The following GGA2 variants were observed in gnomAD, a reference collection of about 807,000 sequenced individuals.
GGA2 encodes ADP-ribosylation factor-binding protein GGA2.
GGA2 carries 48 observed loss-of-function variants against 79.5 expected under a neutral mutation model. That is an observed-to-expected ratio of 0.60 (90% confidence interval 0.48 to 0.77). GGA2 has a LOEUF of 0.77. Ranked by LOEUF, GGA2 falls within the 30% of genes least tolerant of loss-of-function variation. The pLI is 0.00. For missense variants in GGA2, 770 were observed against 774.0 expected (o/e 0.99, Z 0.06); for synonymous variants, 317 against 302.0 (o/e 1.05, Z -0.51).
chr16:23,475,114 G>A, intron 13 of GGA2, 53 bp from the exon 14 acceptor site: 2 of 1,172,704 alleles, frequency 1.7e-6, no homozygotes, highest in Non-Finnish European at 2.4e-6. Flanking sequence ...GCGATTTCCT[G>A]GAATCTGGGT....
At chr16:23,513,283 A>AAT (rs397722713), upstream of GGA2, among the ~76,000 whole-genome samples, 1 of 151,228 alleles carries the variant, frequency 6.6e-6, no homozygotes, top group Non-Finnish European at 1.5e-5. Context: ...TTGAACTCAA[A>AAT]GACAGTGGAA....
At chr16:23,524,356 C>T (rs200936622), upstream of GGA2, 9 of 1,610,932 alleles carry the variant, frequency 5.6e-6, no homozygotes, top group East Asian at 8.9e-5. Context: ...CTCCACTGCC[C>T]GAAACATCCT....
Position 23,474,991 on chromosome 16 carries a change from A to T in GGA2, c.1363T>A (p.Trp455Arg). The T allele has an allele frequency of 6.2e-7, 1 of 1,611,176 alleles. No homozygotes were observed. The highest frequency in any genetic ancestry group is 8.5e-7 in the Non-Finnish European group (1 of 1,177,346). The change falls in exon 14 of 17, where the codon TGG becomes AGG. Residue 455 changes from tryptophan to arginine, a missense_variant. By Grantham distance (101) the Trp-to-Arg change is moderately radical. Coordinates refer to ENST00000309859, the MANE Select transcript of GGA2 (RefSeq NM_015044.4). ...GAAGGAGCCAACGGGCCAGCCTCCC[A>T]GGACCAACCTGGAGAGGACTTAGTA... ...PGTKSSPGWS[W>R]EAGPLAPSPS...
chr16:23,478,125 G>A (rs1290258343), intron 13 of GGA2, among the ~76,000 whole-genome samples: 1 of 151,080 alleles, frequency 6.6e-6, no homozygotes, highest in Non-Finnish European at 1.5e-5. Flanking sequence ...CTTGAACTCA[G>A]GAGGTAAAGG....
Position 23,510,302 on chromosome 16 carries a change from G to A in GGA2, c.91+19C>T, listed in dbSNP as rs1353176902. 1.6e-5 allele frequency: 22 copies of A among 1,408,282 alleles called. No homozygotes were observed. The highest frequency in any genetic ancestry group is 2.0e-5 in the Non-Finnish European group (21 of 1,071,946). The allele number at this position is 1,408,282 out of a possible 1,614,324, so 87.2% of individuals were successfully genotyped here. ...CGTGCGGCGCAGCGGCTGCGCCGAA[G>A]GCCTGCCAGGCTACTCACTGAGCCA... On this transcript the variant is annotated intron_variant, in intron 1 of 16. Coordinates refer to ENST00000309859, the MANE Select transcript of GGA2 (RefSeq NM_015044.4).
intron 13 of GGA2, among the ~76,000 whole-genome samples, chr16:23,476,058 C>T (rs1488379388): frequency 6.6e-6 from 1 of 152,184 alleles, no homozygotes; most frequent in Non-Finnish European, 1.5e-5. Flanking sequence ...CAATAAGTAG[C>T]TCAGTCAGGT....
rs1415692828 is a variant in GGA2, at chr16:23,510,452, C to A, written c.-41G>T. On this transcript the variant is annotated 5_prime_UTR_variant, in exon 1 of 17. Coordinates refer to ENST00000309859, the MANE Select transcript of GGA2 (RefSeq NM_015044.4). ...GCTGCGGCCGCGGGCGCCACTGCCTCTTCAGCCGCTGTAGCGTCCTGGCGC... is the reference window on the plus strand; with the variant it reads ...GCTGCGGCCGCGGGCGCCACTGCCTATTCAGCCGCTGTAGCGTCCTGGCGC... The A allele has an allele frequency of 8.9e-6, 7 of 786,174 alleles. No individual in the cohort carries two copies. The South Asian group carries it at 1.7e-4, about 19-fold the overall frequency. 48.7% of individuals were successfully genotyped at this position (786,174 alleles called of 1,614,324 possible).
chr16:23,475,121 G>T (rs1180075900), intron 13 of GGA2, 60 bp from the exon 14 acceptor site: 2 of 1,077,842 alleles, frequency 1.9e-6, no homozygotes, highest in Non-Finnish European at 1.4e-6. Context: ...CCTGGAATCT[G>T]GGTTAGGCTT....
rs1389541261 is a variant in GGA2 at position 23,491,579 on chromosome 16, G to A, written c.475+98C>T. ...CCTCAGTGTCTATGGTCCTACATAA[G>A]AAGTACAGCTTTCAACAAAAAATTA... On this transcript the variant is annotated intron_variant, in intron 5 of 16. Transcript: ENST00000309859. 6 of 902,880 alleles carry A rather than the reference G, an allele frequency of 6.6e-6. 1 individual carries two copies. Among genetic ancestry groups the A allele is most frequent in the South Asian group, 4.8e-5 (3 of 62,074 alleles). The allele number at this position is 902,880 out of a possible 1,614,324, so 55.9% of individuals were successfully genotyped here. A position where few individuals can be genotyped will look rare whatever the true frequency, so the allele number is the denominator to read the frequency against.
At position 23,465,934 on chromosome 16, in the gene GGA2, T is replaced by G. The variant is rs1202907209; in HGVS notation, c.*1656A>C. 2 of 152,622 alleles carry G rather than the reference T, an allele frequency of 1.3e-5. No individual in the cohort carries two copies. Among genetic ancestry groups the G allele is most frequent in the Admixed American group, 1.3e-4 (2 of 15,366 alleles). The allele number at this position is 152,622 out of a possible 1,614,324, so 9.5% of individuals were successfully genotyped here. ...CCAGCCTGAGTGACAGAGTGAGATA[T>G]GGCCTCAAAAAACAAAAAAAAGCCA... On this transcript the variant is annotated 3_prime_UTR_variant, in exon 17 of 17. Coordinates refer to ENST00000309859, the MANE Select transcript of GGA2 (RefSeq NM_015044.4).
intron 1 of GGA2, among the ~76,000 whole-genome samples, chr16:23,497,926 G>A (rs2142137018): frequency 6.6e-6 from 1 of 152,316 alleles, no homozygotes; most frequent in East Asian, 1.9e-4. Flanking sequence ...TTGAGCCTAG[G>A]AGGTTGAGAC....
chr16:23,470,086 C>A lies in GGA2; in HGVS notation c.1530G>T (p.Gly510=). The part of the protein sequence containing the change: ...LLHFSQTGAP[G]HPEVQVLLLT... ...AGAGCAGCACCTGTACCTCTGGGTGCCCAGGGGCTCCCGTCTGGGAGAAGT... is the reference window on the plus strand; with the variant it reads ...AGAGCAGCACCTGTACCTCTGGGTGACCAGGGGCTCCCGTCTGGGAGAAGT... The change falls in exon 15 of 17, where the codon GGG becomes GGT. Residue 510 remains glycine, a synonymous_variant. Coordinates refer to ENST00000309859, the MANE Select transcript of GGA2 (RefSeq NM_015044.4). The A allele has an allele frequency of 6.2e-7, 1 of 1,609,964 alleles. No individual in the cohort carries two copies. Among genetic ancestry groups the A allele is most frequent in the Non-Finnish European group, 8.5e-7 (1 of 1,178,150 alleles).
intron 1 of GGA2, among the ~76,000 whole-genome samples, chr16:23,498,674 G>C (rs1432716271): frequency 6.6e-6 from 1 of 152,200 alleles, no homozygotes; most frequent in Non-Finnish European, 1.5e-5. Context: ...CATGCAGTAA[G>C]AGGTCTACAA....
intron 1 of GGA2, among the ~76,000 whole-genome samples, chr16:23,502,813 G>A (rs1002974984): frequency 9.9e-5 from 15 of 152,200 alleles, no homozygotes; most frequent in African/African-American, 3.6e-4. Flanking sequence ...GAATTTTCTG[G>A]CTTCCAAAAT....
chr16:23,496,904 G>C (rs1413459548), intron 1 of GGA2, among the ~76,000 whole-genome samples: 2 of 150,786 alleles, frequency 1.3e-5, no homozygotes, highest in East Asian at 3.9e-4. Flanking sequence ...GTTGCAGTGA[G>C]CTGAGATGGC....
At chr16:23,522,001 A>T (rs964813018), upstream of GGA2, 1 of 353,608 alleles carries the variant, frequency 2.8e-6, no homozygotes, top group Non-Finnish European at 5.6e-6. Context: ...GAAAAAAAAA[A>T]TACTGCTTCT....
chr16:23,487,322 T>A (rs913932007), intron 6 of GGA2, among the ~76,000 whole-genome samples: 2 of 152,088 alleles, frequency 1.3e-5, no homozygotes, highest in African/African-American at 4.8e-5. Context: ...GGGGGTTACT[T>A]CTCCCAGGGG....
chr16:23,478,558 G>A lies in GGA2; in HGVS notation c.1159-57C>T, dbSNP rs763707671. 3.5e-5 allele frequency: 54 copies of A among 1,552,736 alleles called. No homozygotes were observed. The African/African-American group carries it at 5.1e-4, about 15-fold the overall frequency. On this transcript the variant is annotated intron_variant, in intron 12 of 16. Coordinates refer to ENST00000309859, the MANE Select transcript of GGA2 (RefSeq NM_015044.4). ...AGGGTATGAATGACCATCAGCCACAGTAAAACCAAGGCACAGCTCTCCTGA... is the reference window on the plus strand; with the variant it reads ...AGGGTATGAATGACCATCAGCCACAATAAAACCAAGGCACAGCTCTCCTGA...
chr16:23,491,775 T>A lies in GGA2; in HGVS notation c.377A>T (p.Lys126Ile). The change falls in exon 5 of 17, where the codon AAA becomes ATA. Residue 126 changes from lysine (K) to isoleucine (I), a missense_variant. By Grantham distance (102) the Lys-to-Ile change is moderately radical. Coordinates refer to ENST00000309859, the MANE Select transcript of GGA2 (RefSeq NM_015044.4). ...PKYLGSWATG[K>I]VKGRVIEILF... is the part of the protein sequence containing the mutation. ...TATTTCAATGACTCTTCCTTTAACT[T>A]TTCCTGTGGCCCAGGACCCCAGGTA... The A allele has an allele frequency of 6.2e-7, 1 of 1,612,540 alleles. No individual in the cohort carries two copies.
Sources: gnomAD v4.1 joint callset for allele counts (sites outside exome capture counted in the v4.1 genomes callset) on GRCh38, gnomAD v4.1.1 for gene constraint, MANE v1.5 for transcripts, NCBI Gene and HGNC (gene_info 2026-07-23, HGNC 2026-07-21) for gene names.